PITPNA: variants seen among roughly 807,000 people sequenced by gnomAD.
The protein encoded by PITPNA is phosphatidylinositol transfer protein alpha isoform.
Under a neutral mutation model 50.3 loss-of-function variants are expected in PITPNA, and 13 were observed. The ratio of observed to expected loss-of-function variants is 0.26; its 90% CI spans 0.17 to 0.41. The LOEUF (loss-of-function observed/expected upper bound fraction) is 0.41, where lower values mean the gene tolerates loss of function less well. PITPNA is among the 10% of genes least tolerant of loss of function. The pLI is 1.00. For synonymous variants in PITPNA, 120 were observed against 119.6 expected (o/e 1.00, Z -0.02); for missense variants, 207 against 333.4 (o/e 0.62, Z 2.95).
At chr17:1,533,996 C>G (rs897381373) in intron 10 of PITPNA, 103 bp downstream of exon 10, 2 of 1,366,520 alleles carry the variant, frequency 1.5e-6, no homozygotes, top group African/African-American at 2.9e-5. Flanking sequence ...CTGACGTGTT[C>G]CCAGAACTAC....
chr17:1,549,264 C>CAT (rs1555532075), intron 3 of PITPNA, among the ~76,000 whole-genome samples: 10 of 126,198 alleles, frequency 7.9e-5, no homozygotes, highest in Non-Finnish European at 1.7e-5. Flanking sequence ...AAGCCCCCTG[C>CAT]TTTTTTTTTT....
chr17:1,543,037 G>C lies in PITPNA; in HGVS notation c.290-10C>G, dbSNP rs1396833514. The C allele has an allele frequency of 6.3e-7, 1 of 1,582,550 alleles. No individual in the cohort carries two copies. Among genetic ancestry groups the C allele is most frequent in the African/African-American group, 1.3e-5 (1 of 74,700 alleles). ...ATACTTACTGTAATAACTGCTCCGA[G>C]GCAAGGACATGGAAAGAAGAGAGAA... On this transcript the variant is annotated splice_polypyrimidine_tract_variant and intron_variant, in intron 4 of 11. Transcript: ENST00000313486.
rs1001575184 is a variant in PITPNA at position 1,521,769 on chromosome 17, G to T, written c.769-124C>A. ...TAAAAAGCAAGACACTGGAAGGACG[G>T]AAGAATTCTGCATATGGACTCGAAG... On this transcript the variant is annotated intron_variant, in intron 10 of 11. Transcript: ENST00000313486. The T allele has an allele frequency of 6.7e-6, 5 of 748,294 alleles. No homozygotes were observed. The African/African-American group carries it at 6.9e-5, about 10-fold the overall frequency. 46.4% of individuals were successfully genotyped at this position (748,294 alleles called of 1,614,324 possible).
At chr17:1,536,387 A>G (rs1412984003) in intron 7 of PITPNA, among the ~76,000 whole-genome samples, 2 of 148,640 alleles carry the variant, frequency 1.3e-5, no homozygotes, top group Non-Finnish European at 3.0e-5. Flanking sequence ...TCCCAAGTTC[A>G]CGCCATTCTC....
Position 1,522,935 on chromosome 17 carries a change from G to GCTCT in PITPNA, c.769-1294_769-1291dup, listed in dbSNP as rs1339755418. On this transcript the variant is annotated intron_variant, in intron 10 of 11. Transcript: ENST00000313486. ...GAGAAATGAGGGAGAAAATCCTGTG[G>GCTCT]CTCTCCGGGAGAGGAGTTCCCGGCA... Among the ~76,000 whole-genome samples, 8 of 152,312 alleles carry GCTCT rather than the reference G, an allele frequency of 5.3e-5. 1 individual carries two copies. Among genetic ancestry groups the GCTCT allele is most frequent in the Admixed American group, 3.3e-4 (5 of 15,296 alleles).
intron 1 of PITPNA, among the ~76,000 whole-genome samples, chr17:1,559,147 T>G (rs925787277): frequency 1.3e-5 from 2 of 152,058 alleles, no homozygotes; most frequent in Non-Finnish European, 2.9e-5. Context: ...CCTTGAAGCC[T>G]AAGAACACAC....
chr17:1,522,071 C>CTTTTTTTTTTTT (rs1555530261), intron 10 of PITPNA, among the ~76,000 whole-genome samples: 36 of 141,658 alleles, frequency 2.5e-4, no homozygotes, highest in African/African-American at 8.9e-4. Context: ...TATGAAACAT[C>CTTTTTTTTTTTT]TTTTTTTTTT....
intron 7 of PITPNA, among the ~76,000 whole-genome samples, chr17:1,536,510 C>T (rs374887782): frequency 1.5e-4 from 23 of 152,090 alleles, no homozygotes; most frequent in South Asian, 6.2e-4. Context: ...AGGATGGTCT[C>T]GATCTCCTGA....
chr17:1,558,769 A>ACCCCCCCCCCCC (rs147366133), intron 1 of PITPNA, among the ~76,000 whole-genome samples: 23 of 22,702 alleles, frequency 1.0e-3, no homozygotes, highest in South Asian at 3.1e-3. Flanking sequence ...CTGTGACAAC[A>ACCCCCCCCCCCC]CCCCCCCCCC....
intron 10 of PITPNA, 134 bp downstream of exon 10, chr17:1,533,965 A>C: frequency 1.0e-6 from 1 of 985,454 alleles, no homozygotes; most frequent in Non-Finnish European, 1.6e-6. Context: ...ACTGCCCAGG[A>C]TACCGTCCCT....
intron 10 of PITPNA, among the ~76,000 whole-genome samples, chr17:1,522,782 T>G (rs2075522956): frequency 6.6e-6 from 1 of 152,196 alleles, no homozygotes; most frequent in Admixed American, 6.5e-5. Flanking sequence ...TGGGGCAGGA[T>G]GGGCAGAGAA....
At chr17:1,525,108 G>C (rs1236336405) in intron 10 of PITPNA, among the ~76,000 whole-genome samples, 1 of 151,592 alleles carries the variant, frequency 6.6e-6, no homozygotes, top group Non-Finnish European at 1.5e-5. Flanking sequence ...TTCTGCCTCA[G>C]CCTCCTGAGT....
intron 3 of PITPNA, among the ~76,000 whole-genome samples, chr17:1,552,367 T>C (rs1567586273): frequency 6.6e-6 from 1 of 152,228 alleles, no homozygotes; most frequent in Non-Finnish European, 1.5e-5. Context: ...CAACGCCCTT[T>C]GGGTCTGCTC....
chr17:1,551,852 G>T (rs2075711285), intron 3 of PITPNA, among the ~76,000 whole-genome samples: 2 of 152,174 alleles, frequency 1.3e-5, no homozygotes, highest in Admixed American at 1.3e-4. Flanking sequence ...CGGCACTGAG[G>T]TCCTGGACCC....
intron 1 of PITPNA, chr17:1,561,143 A>G (rs2151015994): frequency 6.6e-6 from 1 of 152,286 alleles, no homozygotes; most frequent in Admixed American, 6.5e-5. Context: ...GCACACACAC[A>G]CACACACCCA....
Position 1,538,782 on chromosome 17 carries a change from A to C in PITPNA, c.456+87T>G. The C allele has an allele frequency of 5.3e-6, 4 of 752,940 alleles. No homozygotes were observed. The South Asian group carries it at 6.4e-5, about 12-fold the overall frequency. The allele number at this position is 752,940 out of a possible 1,614,324, so 46.6% of individuals were successfully genotyped here. A position where few individuals can be genotyped will look rare whatever the true frequency, so the allele number is the denominator to read the frequency against. ...ACACATCAGAATTTCCTTTTGTGCC[A>C]AGTTGGGTATGGTTTCCTGGTTTCT... On this transcript the variant is annotated intron_variant, in intron 7 of 11. Transcript: ENST00000313486.
At position 1,520,488 on chromosome 17, in the gene PITPNA, C is replaced by T. The variant is rs2075503860; in HGVS notation, c.*73G>A. The T allele has an allele frequency of 6.5e-6, 1 of 152,692 alleles. No individual in the cohort carries two copies. Among genetic ancestry groups the T allele is most frequent in the Admixed American group, 6.5e-5 (1 of 15,280 alleles). 9.5% of individuals were successfully genotyped at this position (152,692 alleles called of 1,614,324 possible). A position where few individuals can be genotyped will look rare whatever the true frequency, so the allele number is the denominator to read the frequency against. ...GGCTGCGTCCGAAAATGGCCTGTCA[C>T]TTGGGAGGGTGGAGCTGCTGGGTCT... On this transcript the variant is annotated 3_prime_UTR_variant, in exon 12 of 12. Coordinates refer to ENST00000313486, the MANE Select transcript of PITPNA (RefSeq NM_006224.4).
At chr17:1,553,261 G>A in intron 2 of PITPNA, 112 bp from the exon 3 acceptor site, 2 of 1,213,470 alleles carry the variant, frequency 1.6e-6, no homozygotes, top group Non-Finnish European at 2.3e-6. Context: ...CCTCATGCAG[G>A]AGCTGGTTCT....
In PITPNA at chr17:1,521,649, G is replaced by A; in HGVS notation, c.769-4C>T. 6.2e-7 allele frequency: 1 copy of A among 1,612,612 alleles called. No individual in the cohort carries two copies. Among genetic ancestry groups the A allele is most frequent in the Non-Finnish European group, 8.5e-7 (1 of 1,178,914 alleles). On this transcript the variant is annotated splice_region_variant and splice_polypyrimidine_tract_variant and intron_variant, in intron 10 of 11. Transcript: ENST00000313486. ...TCACTGGGTCCTTTTGTCTCATCTGGAACAAAAAAAGCAGGACAAATGGAA... is the reference window on the plus strand; with the variant it reads ...TCACTGGGTCCTTTTGTCTCATCTGAAACAAAAAAAGCAGGACAAATGGAA...
Sources: gnomAD v4.1 joint callset for allele counts (sites outside exome capture counted in the v4.1 genomes callset) on GRCh38, gnomAD v4.1.1 for gene constraint, MANE v1.5 for transcripts, NCBI Gene and HGNC (gene_info 2026-07-23, HGNC 2026-07-21) for gene names.